RGS6: variants seen among roughly 807,000 people sequenced by gnomAD.
The protein encoded by RGS6 is regulator of G protein signaling 6, also known as regulator of G-protein signaling 6.
Under a neutral mutation model 78.5 loss-of-function variants are expected in RGS6, and 30 were observed. The ratio of observed to expected loss-of-function variants is 0.38; its 90% CI spans 0.29 to 0.52. The LOEUF (loss-of-function observed/expected upper bound fraction) is 0.52, where lower values mean the gene tolerates loss of function less well. RGS6 is among the 20% of genes least tolerant of loss of function. RGS6 has a pLI of 0.85. For missense variants in RGS6, 495 were observed against 609.7 expected, an observed-to-expected ratio of 0.81 and a Z score of 1.98; for synonymous variants, 206 against 206.0, an observed-to-expected ratio of 1.00 and a Z score of 0.00.
chr14:72,423,601 A>T (rs867520073), intron 3 of RGS6, among the ~76,000 whole-genome samples: 1 of 148,550 alleles, frequency 6.7e-6, no homozygotes, highest in Non-Finnish European at 1.5e-5. Flanking sequence ...GTTCTCACTT[A>T]TAAGTGGGAG....
intron 2 of RGS6, among the ~76,000 whole-genome samples, chr14:72,006,072 G>A (rs1382546430): frequency 2.6e-5 from 4 of 152,072 alleles, no homozygotes; most frequent in Non-Finnish European, 4.4e-5. Flanking sequence ...GGTAGGACAT[G>A]CAAAAAGAGA....
At chr14:72,561,733 G>A (rs1169995049) in intron 17 of RGS6, among the ~76,000 whole-genome samples, 1 of 152,180 alleles carries the variant, frequency 6.6e-6, no homozygotes, top group Non-Finnish European at 1.5e-5. Flanking sequence ...GGGCTTGTAG[G>A]CTTTCCTGGT....
At chr14:71,876,380 A>T in the RGS6 span, among the ~76,000 whole-genome samples, 1 of 147,450 alleles carries the variant, frequency 6.8e-6, no homozygotes, top group African/African-American at 2.5e-5. Flanking sequence ...TGTTGAATTG[A>T]TCCCTTTACC....
chr14:72,303,317 A>G (rs1349206271), intron 2 of RGS6, among the ~76,000 whole-genome samples: 1 of 152,178 alleles, frequency 6.6e-6, no homozygotes, highest in Non-Finnish European at 1.5e-5. Flanking sequence ...CCTGGCCAAC[A>G]TGGTGAAACC....
intron 2 of RGS6, among the ~76,000 whole-genome samples, chr14:72,127,866 TTC>T (rs1383592484): frequency 6.6e-6 from 1 of 152,230 alleles, no homozygotes; most frequent in Non-Finnish European, 1.5e-5. Context: ...TCCTAATTTG[TTC>T]TCTGTTTCTA....
intron 3 of RGS6, among the ~76,000 whole-genome samples, chr14:72,400,883 G>A (rs1274602818): frequency 6.6e-6 from 1 of 152,108 alleles, no homozygotes; most frequent in Admixed American, 6.6e-5. Flanking sequence ...CACAGGGAAA[G>A]GTTCCCAAGC....
At chr14:72,383,859 G>T (rs2087012693) in intron 3 of RGS6, among the ~76,000 whole-genome samples, 1 of 152,182 alleles carries the variant, frequency 6.6e-6, no homozygotes, top group African/African-American at 2.4e-5. Context: ...AATTTGATCT[G>T]CTGTATGTTA....
At chr14:71,961,391 G>C (rs558682631) in intron 1 of RGS6, among the ~76,000 whole-genome samples, 1 of 152,162 alleles carries the variant, frequency 6.6e-6, no homozygotes, top group Admixed American at 6.5e-5. Context: ...TCCTGGTTCT[G>C]ATAGTTGGTT....
chr14:72,199,868 G>A (rs1404753686), intron 2 of RGS6, among the ~76,000 whole-genome samples: 4 of 152,134 alleles, frequency 2.6e-5, no homozygotes, highest in Admixed American at 6.5e-5. Flanking sequence ...TAATAAAATT[G>A]TATTGGAATT....
At chr14:72,165,968 A>G (rs923577955) in intron 2 of RGS6, among the ~76,000 whole-genome samples, 5 of 152,332 alleles carry the variant, frequency 3.3e-5, no homozygotes, top group South Asian at 4.1e-4. Context: ...TGAATTTACC[A>G]AAACAGCATA....
At chr14:72,612,614 G>C in the RGS6 span, 1 of 518,900 alleles carries the variant, frequency 1.9e-6, no homozygotes, top group South Asian at 1.4e-5. Context: ...AGGGCAGGAG[G>C]AGAATCAGGG....
chr14:72,610,585 G>A, the RGS6 span, among the ~76,000 whole-genome samples: 12 of 152,212 alleles, frequency 7.9e-5, no homozygotes, highest in East Asian at 1.9e-4. Flanking sequence ...ACTTGGCAAC[G>A]GGGAGATGAC....
At chr14:72,004,206 G>A (rs971334741) in intron 2 of RGS6, among the ~76,000 whole-genome samples, 1 of 152,174 alleles carries the variant, frequency 6.6e-6, no homozygotes, top group African/African-American at 2.4e-5. Flanking sequence ...TTGAAAAAAA[G>A]TTGAACTTGG....
At chr14:72,586,241 G>T in the RGS6 span, among the ~76,000 whole-genome samples, 1 of 152,216 alleles carries the variant, frequency 6.6e-6, no homozygotes. Flanking sequence ...TTGATCCCCA[G>T]TGTTGGTGGA....
rs144871629 is a variant in RGS6 at position 72,191,257 on chromosome 14, G to T, written c.85-160838G>T. Among the ~76,000 whole-genome samples, 20 of 152,276 alleles carry T rather than the reference G, an allele frequency of 1.3e-4. No individual in the cohort carries two copies. In the East Asian group the frequency reaches 3.5e-3, roughly 26 times the overall value. On this transcript the variant is annotated intron_variant, in intron 2 of 17. Transcript: ENST00000553525. ...ATATTTAATGCACTATTTTAAAAAT[G>T]TTCTTGGCAAACTTTCGTCCACACC...
the RGS6 span, among the ~76,000 whole-genome samples, chr14:71,876,151 T>C: frequency 6.6e-6 from 1 of 152,188 alleles, no homozygotes; most frequent in South Asian, 2.1e-4. Context: ...TCTGTAGATG[T>C]CTATTAGGTC....
intron 2 of RGS6, among the ~76,000 whole-genome samples, chr14:72,019,087 C>G (rs1022499103): frequency 6.6e-6 from 1 of 152,136 alleles, no homozygotes; most frequent in Non-Finnish European, 1.5e-5. Context: ...CCAGGCAGCA[C>G]GTGAAGTCCT....
intron 2 of RGS6, among the ~76,000 whole-genome samples, chr14:71,991,573 A>G (rs112765223): frequency 4.7e-4 from 71 of 152,210 alleles, no homozygotes; most frequent in African/African-American, 1.7e-3. Context: ...TAAAAGAAAA[A>G]TTCCGAAATT....
intron 1 of RGS6, among the ~76,000 whole-genome samples, chr14:71,957,511 A>AT (rs2092878992): frequency 6.6e-6 from 1 of 152,204 alleles, no homozygotes; most frequent in Non-Finnish European, 1.5e-5. Context: ...ATGGAAGGAC[A>AT]TAGTGGGCAT....
Sources: allele counts gnomAD v4.1 joint callset (sites outside exome capture counted in the v4.1 genomes callset), GRCh38; gene constraint gnomAD v4.1.1; transcripts MANE v1.5; gene names NCBI Gene and HGNC (gene_info 2026-07-23, HGNC 2026-07-21).